DLG2: variants seen among roughly 807,000 people sequenced by gnomAD.
The protein encoded by DLG2 is discs large MAGUK scaffold protein 2.
In DLG2, 45 loss-of-function variants were observed where a neutral mutation model predicts 132.5. The observed-to-expected ratio is 0.34, with a 90% CI of 0.27 to 0.44. DLG2 has a LOEUF of 0.44. Ranked by LOEUF, DLG2 falls within the 20% of genes least tolerant of loss-of-function variation. The pLI, the probability that DLG2 is intolerant of heterozygous loss-of-function variation, is 1.00. For synonymous variants in DLG2, 424 were observed against 419.6 expected, an observed-to-expected ratio of 1.01 and a Z score of -0.13; for missense variants, 1,045 against 1,196.9, an observed-to-expected ratio of 0.87 and a Z score of 1.87.
At chr11:83,483,022 G>A (rs1010404995) in intron 22 of DLG2, among the ~76,000 whole-genome samples, 8 of 152,124 alleles carry the variant, frequency 5.3e-5, no homozygotes. Context: ...AAGGGATGGT[G>A]TTAACTGCAA....
chr11:85,425,585 C>A (rs987033796), intron 3 of DLG2, among the ~76,000 whole-genome samples: 1 of 152,012 alleles, frequency 6.6e-6, no homozygotes, highest in Non-Finnish European at 1.5e-5. Flanking sequence ...GTACCTGTAC[C>A]CTTTGACCTA....
At chr11:85,114,244 CTCAAAAGAGT>C (rs1448034777) in intron 5 of DLG2, among the ~76,000 whole-genome samples, 1 of 151,910 alleles carries the variant, frequency 6.6e-6, no homozygotes, top group African/African-American at 2.4e-5. Flanking sequence ...CTACCTCCTA[CTCAAAAGAGT>C]AGGAGGTCAG....
chr11:84,331,387 A>G lies in DLG2; in HGVS notation c.520-80096T>C, dbSNP rs542073351. On this transcript the variant is annotated intron_variant, in intron 7 of 27. Transcript: ENST00000376104. ...AATAGCAAAGCTGCAATTCAAATTT[A>G]GGTCAGTCAGATTCCAAATCCTGAT... Among the ~76,000 whole-genome samples, 57 of 151,706 alleles carry G rather than the reference A, an allele frequency of 3.8e-4. 1 individual carries two copies. Among genetic ancestry groups the G allele is most frequent in the African/African-American group, 1.2e-3 (50 of 41,426 alleles).
At chr11:85,481,847 C>T (rs1033227577) in intron 3 of DLG2, among the ~76,000 whole-genome samples, 1 of 152,084 alleles carries the variant, frequency 6.6e-6, no homozygotes, top group African/African-American at 2.4e-5. Context: ...CAGGCTTGTC[C>T]AGTGCCAGAC....
At chr11:84,554,337 AC>A (rs1437782282) in intron 6 of DLG2, among the ~76,000 whole-genome samples, 1 of 152,170 alleles carries the variant, frequency 6.6e-6, no homozygotes, top group Admixed American at 6.5e-5. Flanking sequence ...CAGAACGACT[AC>A]CAGTTTTATT....
intron 6 of DLG2, among the ~76,000 whole-genome samples, chr11:84,925,166 TTAA>T (rs948183414): frequency 6.6e-6 from 1 of 152,170 alleles, no homozygotes; most frequent in African/African-American, 2.4e-5. Context: ...ACCTATTTTA[TTAA>T]TATTATTTTA....
chr11:83,539,428 T>C (rs1267056597), intron 20 of DLG2, among the ~76,000 whole-genome samples: 1 of 152,088 alleles, frequency 6.6e-6, no homozygotes, highest in Non-Finnish European at 1.5e-5. Flanking sequence ...ATCAACCTAA[T>C]AAATGTACGT....
At chr11:83,605,038 A>AGAGAGAGAGAGAGAGAGAGAGAG (rs2059145176) in intron 19 of DLG2, among the ~76,000 whole-genome samples, 3 of 146,426 alleles carry the variant, frequency 2.0e-5, no homozygotes, top group Non-Finnish European at 3.0e-5. Context: ...AGAGAGAGAG[A>AGAGAGAGAGAGAGAGAGAGAGAG]TTGATTGATT....
chr11:85,470,927 G>A (rs2092965639), intron 3 of DLG2, among the ~76,000 whole-genome samples: 1 of 152,150 alleles, frequency 6.6e-6, no homozygotes, highest in Non-Finnish European at 1.5e-5. Flanking sequence ...TTCAGGCATT[G>A]TAAATCCAGA....
At chr11:83,601,366 T>C (rs2058509327) in intron 19 of DLG2, among the ~76,000 whole-genome samples, 3 of 152,130 alleles carry the variant, frequency 2.0e-5, no homozygotes, top group African/African-American at 7.2e-5. Context: ...GTAGCTACCC[T>C]GTGATGTTCT....
intron 6 of DLG2, among the ~76,000 whole-genome samples, chr11:84,844,254 T>C (rs1018357727): frequency 3.3e-5 from 5 of 150,074 alleles, no homozygotes; most frequent in African/African-American, 9.8e-5. Flanking sequence ...TTGTACATAC[T>C]AGGGAATATA....
intron 18 of DLG2, among the ~76,000 whole-genome samples, chr11:83,777,510 A>G (rs1293024635): frequency 2.0e-5 from 3 of 152,210 alleles, no homozygotes; most frequent in Non-Finnish European, 4.4e-5. Context: ...ACTTTCCTTC[A>G]GCCTCAAAAA....
Position 84,358,530 on chromosome 11 carries a change from G to A in DLG2, c.520-107239C>T, listed in dbSNP as rs1169299612. 4.0e-5 allele frequency among the ~76,000 whole-genome samples: 6 copies of A among 151,848 alleles called. No individual in the cohort carries two copies. The South Asian group carries it at 1.2e-3, about 32-fold the overall frequency. ...AACACCTCTGAAATTAAGCCCTGGG[G>A]AAGCTAGTGATAACTCTGAGGTGGT... On this transcript the variant is annotated intron_variant, in intron 7 of 27. Transcript: ENST00000376104.
At chr11:84,380,938 T>A (rs2098747095) in intron 7 of DLG2, among the ~76,000 whole-genome samples, 1 of 151,950 alleles carries the variant, frequency 6.6e-6, no homozygotes, top group African/African-American at 2.4e-5. Context: ...CTGTGATCCA[T>A]GGAATCTGAT....
chr11:83,969,649 C>G (rs2090943881), intron 12 of DLG2, among the ~76,000 whole-genome samples: 1 of 152,180 alleles, frequency 6.6e-6, no homozygotes, highest in African/African-American at 2.4e-5. Flanking sequence ...TCTTGGCTCA[C>G]TGCAACCTCT....
At chr11:83,607,896 A>C (rs1403163209) in intron 19 of DLG2, among the ~76,000 whole-genome samples, 1 of 152,228 alleles carries the variant, frequency 6.6e-6, no homozygotes, top group Admixed American at 6.5e-5. Context: ...CTAAATTTAC[A>C]TGGAGTTTAA....
At chr11:85,376,607 C>T (rs2085425095) in intron 3 of DLG2, among the ~76,000 whole-genome samples, 1 of 152,112 alleles carries the variant, frequency 6.6e-6, no homozygotes, top group African/African-American at 2.4e-5. Context: ...CTTGGTTGTC[C>T]TTTGTAAACC....
chr11:84,148,710 T>C (rs1167005165), intron 9 of DLG2, among the ~76,000 whole-genome samples: 1 of 152,128 alleles, frequency 6.6e-6, no homozygotes, highest in African/African-American at 2.4e-5. Context: ...GTAGGATGAT[T>C]TATTATTCTT....
At chr11:84,989,674 A>T (rs1376729311) in intron 6 of DLG2, among the ~76,000 whole-genome samples, 1 of 152,230 alleles carries the variant, frequency 6.6e-6, no homozygotes, top group Non-Finnish European at 1.5e-5. Context: ...AAACAAATTG[A>T]AAAAAGAATG....
Sources: allele counts gnomAD v4.1 joint callset (sites outside exome capture counted in the v4.1 genomes callset), GRCh38; gene constraint gnomAD v4.1.1; transcripts MANE v1.5; gene names NCBI Gene and HGNC (gene_info 2026-07-23, HGNC 2026-07-21).